The following MAP3K13 variants were observed in gnomAD, a reference collection of about 807,000 sequenced individuals.
MAP3K13 encodes mitogen-activated protein kinase kinase kinase 13.
A neutral mutation model predicts 104.0 loss-of-function variants in MAP3K13; 52 were observed. The ratio of observed to expected loss-of-function variants is 0.50; its 90% CI spans 0.40 to 0.63. MAP3K13 has a LOEUF of 0.63. Among genes scored for constraint, MAP3K13 ranks in the 20% least tolerant of loss-of-function variants. The probability of loss-of-function intolerance (pLI) is 0.00; values close to 1 mark genes in which losing one functional copy is unlikely to be tolerated. For missense variants in MAP3K13, 914 were observed against 1,218.5 expected, an observed-to-expected ratio of 0.75 and a Z score of 3.72; for synonymous variants, 394 against 442.2, an observed-to-expected ratio of 0.89 and a Z score of 1.37.
At chr3:185,438,359 G>C (rs1715156021) in intron 3 of MAP3K13, among the ~76,000 whole-genome samples, 1 of 152,020 alleles carries the variant, frequency 6.6e-6, no homozygotes, top group Non-Finnish European at 1.5e-5. Context: ...AGTGATCAAA[G>C]AACAATCAAT....
chr3:185,311,776 C>G (rs1257131618), intron 2 of MAP3K13, among the ~76,000 whole-genome samples: 4 of 152,062 alleles, frequency 2.6e-5, no homozygotes, highest in Non-Finnish European at 2.9e-5. Flanking sequence ...ATATGGTAGT[C>G]TTTCATGCTT....
intron 1 of MAP3K13, among the ~76,000 whole-genome samples, chr3:185,388,501 C>G (rs972113633): frequency 6.6e-6 from 1 of 150,576 alleles, no homozygotes; most frequent in Non-Finnish European, 1.5e-5. Context: ...GACCCTGGCT[C>G]AAAAAAAGAA....
chr3:185,339,506 G>T (rs1722639291), intron 2 of MAP3K13, among the ~76,000 whole-genome samples: 1 of 152,170 alleles, frequency 6.6e-6, no homozygotes. Context: ...CTGGGGGTAT[G>T]GTACCATGAT....
intron 1 of MAP3K13, among the ~76,000 whole-genome samples, chr3:185,385,318 T>G (rs1711623248): frequency 6.6e-6 from 1 of 152,140 alleles, no homozygotes; most frequent in South Asian, 2.1e-4. Context: ...GTCCAACTAA[T>G]TTTTGTATTT....
At chr3:185,451,146 A>C (rs1715858252) in intron 6 of MAP3K13, 141 bp from the exon 7 acceptor site, 1 of 594,198 alleles carries the variant, frequency 1.7e-6, no homozygotes, top group Non-Finnish European at 3.0e-6. Flanking sequence ...CAGTTATGCT[A>C]TCCTGATATA....
chr3:185,405,413 C>A (rs753070721), intron 1 of MAP3K13, among the ~76,000 whole-genome samples: 3 of 152,196 alleles, frequency 2.0e-5, no homozygotes, highest in Non-Finnish European at 4.4e-5. Flanking sequence ...GCATTCAAAA[C>A]CTTTTATGAT....
chr3:185,380,436 G>A (rs911358958), intron 1 of MAP3K13, among the ~76,000 whole-genome samples: 19 of 149,916 alleles, frequency 1.3e-4, no homozygotes, highest in African/African-American at 4.2e-4. Context: ...GCTTGAACCC[G>A]GGAGGCAGAG....
At chr3:185,332,137 G>A (rs1722306626) in intron 2 of MAP3K13, among the ~76,000 whole-genome samples, 1 of 151,978 alleles carries the variant, frequency 6.6e-6, no homozygotes, top group Non-Finnish European at 1.5e-5. Flanking sequence ...ATATCCATAT[G>A]ACTAAATTCC....
chr3:185,397,058 C>T (rs1303631134), intron 1 of MAP3K13, among the ~76,000 whole-genome samples: 3 of 151,812 alleles, frequency 2.0e-5, no homozygotes, highest in Non-Finnish European at 2.9e-5. Flanking sequence ...TCATGGTTTC[C>T]AGAACCAATT....
At chr3:185,333,438 T>G (rs1198869389) in intron 2 of MAP3K13, among the ~76,000 whole-genome samples, 1 of 152,028 alleles carries the variant, frequency 6.6e-6, no homozygotes, top group East Asian at 1.9e-4. Context: ...AGAAAAGAAA[T>G]AAAACTGTCA....
intron 1 of MAP3K13, among the ~76,000 whole-genome samples, chr3:185,371,854 T>A (rs1724180308): frequency 6.6e-6 from 1 of 152,106 alleles, no homozygotes; most frequent in Admixed American, 6.6e-5. Context: ...ATTTGCAAAA[T>A]AAGCCCACTA....
At chr3:185,334,901 G>A (rs906178329) in intron 2 of MAP3K13, among the ~76,000 whole-genome samples, 2 of 151,976 alleles carry the variant, frequency 1.3e-5, no homozygotes, top group East Asian at 1.9e-4. Flanking sequence ...GAGCCACCTC[G>A]CCCAGCCAAC....
Position 185,482,062 on chromosome 3 carries a change from C to A in MAP3K13, c.2800-293C>A, listed in dbSNP as rs1397310165. Among the ~76,000 whole-genome samples the A allele has an allele frequency of 6.6e-6, 1 of 152,180 alleles. No homozygotes were observed. The highest frequency in any genetic ancestry group is 2.4e-5 in the African/African-American group (1 of 41,444). On this transcript the variant is annotated intron_variant, in intron 13 of 13. Transcript: ENST00000265026. The surrounding 1 kb of genome is among the most constrained non-coding windows in gnomAD (Gnocchi z 4.5). ...TCGTGCCACTGCACTCCAGCCTGGG[C>A]GACAGAGTGAGACTCCATCTCTAAA...
chr3:185,434,634 A>G (rs1333495191), intron 2 of MAP3K13, among the ~76,000 whole-genome samples: 1 of 152,180 alleles, frequency 6.6e-6, no homozygotes, highest in Non-Finnish European at 1.5e-5. Context: ...AAAATTAGAC[A>G]TCACCTGCCA....
upstream of MAP3K13, chr3:185,362,931 A>ACACACACACACACACACACACG (rs1723692592): frequency 3.1e-5 from 1 of 32,056 alleles, no homozygotes; most frequent in African/African-American, 8.4e-5. Flanking sequence ...ACAGCTTGAA[A>ACACACACACACACACACACACG]CACACACACA....
chr3:185,477,867 G>A (rs945138253), intron 12 of MAP3K13, among the ~76,000 whole-genome samples: 3 of 152,188 alleles, frequency 2.0e-5, no homozygotes, highest in Non-Finnish European at 2.9e-5. Context: ...CTACTGGCTT[G>A]CAGACAGCCA....
intron 2 of MAP3K13, among the ~76,000 whole-genome samples, chr3:185,338,116 C>T (rs1722579187): frequency 6.6e-6 from 1 of 151,840 alleles, no homozygotes; most frequent in Non-Finnish European, 1.5e-5. Flanking sequence ...AAAACTTGAG[C>T]CCAGGAGTTC....
intron 1 of MAP3K13, among the ~76,000 whole-genome samples, chr3:185,364,813 T>C (rs1723794404): frequency 6.6e-6 from 1 of 152,214 alleles, no homozygotes; most frequent in African/African-American, 2.4e-5. Flanking sequence ...CATATTTTAT[T>C]ATTTTTTATT....
At chr3:185,375,973 A>G (rs1285715366) in intron 1 of MAP3K13, among the ~76,000 whole-genome samples, 1 of 152,148 alleles carries the variant, frequency 6.6e-6, no homozygotes, top group East Asian at 1.9e-4. Context: ...TGGCTTGCTG[A>G]GAGGTAGTGG....
Sources: allele counts gnomAD v4.1 joint callset (sites outside exome capture counted in the v4.1 genomes callset), GRCh38; gene constraint gnomAD v4.1.1; non-coding constraint Gnocchi (gnomAD v3.1); transcripts MANE v1.5; gene names NCBI Gene and HGNC (gene_info 2026-07-23, HGNC 2026-07-21).